The following PDPR variants were observed in gnomAD, a reference collection of about 807,000 sequenced individuals.
PDPR encodes the protein pyruvate dehydrogenase phosphatase regulatory subunit, mitochondrial.
PDPR carries 50 observed loss-of-function variants against 102.2 expected under a neutral mutation model. The ratio of observed to expected loss-of-function variants is 0.49; its 90% CI spans 0.39 to 0.62. The LOEUF (loss-of-function observed/expected upper bound fraction) is 0.62. Ranked by LOEUF, PDPR falls within the 20% of genes least tolerant of loss-of-function variation. PDPR has a pLI of 0.00. For synonymous variants in PDPR, 259 were observed against 406.0 expected (o/e 0.64, Z 4.35); for missense variants, 625 against 1,098.2 (o/e 0.57, Z 6.09).
At chr16:70,135,081 C>T (rs189600322) in intron 9 of PDPR, among the ~76,000 whole-genome samples, 2 of 152,194 alleles carry the variant, frequency 1.3e-5, no homozygotes, top group African/African-American at 2.4e-5. Flanking sequence ...ACAAACCTGG[C>T]GAGAGTAGTA....
chr16:70,162,697 C>T (rs1967902693), downstream of PDPR, among the ~76,000 whole-genome samples: 1 of 152,242 alleles, frequency 6.6e-6, no homozygotes, highest in Admixed American at 6.5e-5. Context: ...TTTATCTTAC[C>T]CTCCCTGCAG....
chr16:70,128,044 A>G (rs370431900), intron 4 of PDPR, among the ~76,000 whole-genome samples: 41 of 152,042 alleles, frequency 2.7e-4, no homozygotes, highest in African/African-American at 8.2e-4. Context: ...AGCTTAGGTC[A>G]CATGCCCACT....
chr16:70,147,727 A>T (rs1161120874), intron 16 of PDPR: 5 of 377,466 alleles, frequency 1.3e-5, no homozygotes, highest in African/African-American at 6.4e-5. Flanking sequence ...TCCACCTACA[A>T]ATTGTTTCAC....
chr16:70,150,422 T>C (rs1966637465), intron 17 of PDPR, among the ~76,000 whole-genome samples: 1 of 152,218 alleles, frequency 6.6e-6, no homozygotes. Context: ...TTTCTTCCTA[T>C]AATTTCCTTC....
At chr16:70,152,498 A>G (rs1966813012) in intron 17 of PDPR, among the ~76,000 whole-genome samples, 1 of 152,274 alleles carries the variant, frequency 6.6e-6, no homozygotes, top group South Asian at 2.1e-4. Context: ...AGCCTGGGCA[A>G]AAGAGCAAAA....
chr16:70,118,694 G>C (rs1017438797), intron 2 of PDPR, among the ~76,000 whole-genome samples: 2 of 152,136 alleles, frequency 1.3e-5, no homozygotes, highest in East Asian at 3.8e-4. Flanking sequence ...GAGAGCTTGG[G>C]CCACGGGAAA....
intron 2 of PDPR, among the ~76,000 whole-genome samples, chr16:70,115,579 T>A (rs1354757300): frequency 1.3e-5 from 2 of 152,194 alleles, no homozygotes; most frequent in African/African-American, 2.4e-5. Flanking sequence ...GAGGCAAGTG[T>A]GGGAAATGTT....
downstream of PDPR, among the ~76,000 whole-genome samples, chr16:70,162,998 T>C (rs370984523): frequency 2.0e-5 from 3 of 152,278 alleles, no homozygotes; most frequent in South Asian, 4.1e-4. Context: ...TTGCCCAGGC[T>C]GGAGTACAGT....
rs28417005 is a variant in PDPR at position 70,127,341 on chromosome 16, C to G, written c.309C>G (p.Asp103Glu). ...TGACCATTGAGCAGAAGATGGCAGA[C>G]TACTCAAACAAACTCTACTATCAGT... ...RHLTIEQKMA[D>E]YSNKLYYQLE... Residue 103 changes from aspartate (D) to glutamate (E), a missense_variant, in exon 4 of 19, where the codon GAC becomes GAG. Transcript: ENST00000288050. 2.2e-4 allele frequency: 349 copies of G among 1,610,098 alleles called. No individual in the cohort carries two copies. In the East Asian group the frequency reaches 5.3e-3, roughly 24 times the overall value.
Position 70,128,182 on chromosome 16 carries a change from G to A in PDPR, c.362-602G>A, listed in dbSNP as rs1183533217. The stretch of plus-strand genomic sequence containing the variant: ...GAGAAAGGGTGAAACTGCCTAAAAG[G>A]TGGGAAGAATAGGGATGGTCGAATC... On this transcript the variant is annotated intron_variant, in intron 4 of 18. Coordinates refer to ENST00000288050, the MANE Select transcript of PDPR (RefSeq NM_017990.5). 3.9e-5 allele frequency among the ~76,000 whole-genome samples: 6 copies of A among 152,252 alleles called. No individual in the cohort carries two copies. The East Asian group carries it at 1.2e-3, about 29-fold the overall frequency.
At chr16:70,141,889 C>A (rs565919123) in intron 11 of PDPR, among the ~76,000 whole-genome samples, 3 of 152,400 alleles carry the variant, frequency 2.0e-5, no homozygotes, top group African/African-American at 7.2e-5. Context: ...CACCTGAGGT[C>A]AGGAGTTTGA....
chr16:70,152,727 A>G (rs1597379326), intron 17 of PDPR, among the ~76,000 whole-genome samples: 1 of 152,290 alleles, frequency 6.6e-6, no homozygotes, highest in East Asian at 1.9e-4. Flanking sequence ...GTTGGACTTT[A>G]AACTTAACAG....
intron 9 of PDPR, among the ~76,000 whole-genome samples, chr16:70,134,548 T>A (rs1421966320): frequency 1.3e-5 from 2 of 148,842 alleles, no homozygotes; most frequent in Non-Finnish European, 3.0e-5. Flanking sequence ...ATCCCAGCAC[T>A]TTGGGAGGCC....
At position 70,157,224 on chromosome 16, in the gene PDPR, C is replaced by T; in HGVS notation, c.*345C>T. On this transcript the variant is annotated 3_prime_UTR_variant, in exon 19 of 19. Transcript: ENST00000288050. The stretch of plus-strand genomic sequence containing the variant: ...TGCTTTCAAATTCTGCATCTCAAGG[C>T]AGGGCAAGCCGGGGTGGTGCAGGTC... 2 of 537,736 alleles carry T rather than the reference C, an allele frequency of 3.7e-6. No homozygotes were observed. Among genetic ancestry groups the T allele is most frequent in the African/African-American group, 1.9e-5 (1 of 52,896 alleles). 33.3% of individuals were successfully genotyped at this position (537,736 alleles called of 1,614,324 possible).
intron 11 of PDPR, among the ~76,000 whole-genome samples, chr16:70,141,581 C>T (rs1965716927): frequency 6.6e-6 from 1 of 152,276 alleles, no homozygotes. Context: ...CACCTGTGTC[C>T]CACTTAGTAA....
chr16:70,154,489 A>G, intron 18 of PDPR, among the ~76,000 whole-genome samples: 1 of 152,022 alleles, frequency 6.6e-6, no homozygotes, highest in East Asian at 1.9e-4. Context: ...AAACAAACAA[A>G]AAAACCCACT....
chr16:70,138,856 A>G (rs775325585), intron 10 of PDPR, 43 bp from the exon 11 acceptor site: 1 of 1,609,468 alleles, frequency 6.2e-7, no homozygotes, highest in South Asian at 1.1e-5. Context: ...AATTTTCTCA[A>G]ATCTCACACC....
At position 70,159,501 on chromosome 16, in the gene PDPR, A is replaced by G. The variant is rs1317168777; in HGVS notation, c.*2622A>G. 1 of 152,904 alleles carries G rather than the reference A, an allele frequency of 6.5e-6. No individual in the cohort carries two copies. Among genetic ancestry groups the G allele is most frequent in the Non-Finnish European group, 1.5e-5 (1 of 68,548 alleles). 9.5% of individuals were successfully genotyped at this position (152,904 alleles called of 1,614,324 possible). On this transcript the variant is annotated 3_prime_UTR_variant, in exon 19 of 19. Transcript: ENST00000288050. ...ACAGATTTCTCTTCTAGCACTTTAG[A>G]GTTGATCCTTGAAGTCTCTCCTGGT...
chr16:70,154,038 G>A (rs1410909468), intron 18 of PDPR, among the ~76,000 whole-genome samples: 1 of 152,264 alleles, frequency 6.6e-6, no homozygotes, highest in African/African-American at 2.4e-5. Context: ...AATTAGCCGG[G>A]TGTGGTTGCG....
Sources: allele counts gnomAD v4.1 joint callset (sites outside exome capture counted in the v4.1 genomes callset), GRCh38; gene constraint gnomAD v4.1.1; transcripts MANE v1.5; gene names NCBI Gene and HGNC (gene_info 2026-07-23, HGNC 2026-07-21).